The following TMEM117 variants were observed in gnomAD, a reference collection of about 807,000 sequenced individuals.
The protein encoded by TMEM117 is transmembrane protein 117.
In TMEM117, 27 loss-of-function variants were observed where a neutral mutation model predicts 52.4. That is an observed-to-expected ratio of 0.51 (90% confidence interval 0.38 to 0.71). The LOEUF is 0.71. TMEM117 is among the 30% of genes least tolerant of loss of function. The probability of loss-of-function intolerance (pLI) is 0.00; values close to 1 mark genes in which losing one functional copy is unlikely to be tolerated. For synonymous variants in TMEM117, 215 were observed against 206.3 expected (o/e 1.04, Z -0.36); for missense variants, 556 against 630.5 (o/e 0.88, Z 1.26).
intron 6 of TMEM117, among the ~76,000 whole-genome samples, chr12:44,358,625 T>G (rs1451109368): frequency 2.6e-5 from 4 of 152,140 alleles, no homozygotes; most frequent in Non-Finnish European, 2.9e-5. Flanking sequence ...ATGTATTCAG[T>G]TGGAACCAAG....
At chr12:44,165,479 G>A (rs1230383351) in intron 4 of TMEM117, among the ~76,000 whole-genome samples, 1 of 152,068 alleles carries the variant, frequency 6.6e-6, no homozygotes, top group Non-Finnish European at 1.5e-5. Context: ...GCAGCCTAAA[G>A]AAATTTATTT....
At chr12:44,216,011 T>C (rs1438908476) in intron 5 of TMEM117, among the ~76,000 whole-genome samples, 7 of 144,812 alleles carry the variant, frequency 4.8e-5, no homozygotes, top group Non-Finnish European at 9.0e-5. Flanking sequence ...CTTTCTTTTT[T>C]TTTTTTTTTT....
chr12:44,015,727 A>G (rs943505857), intron 3 of TMEM117, among the ~76,000 whole-genome samples: 5 of 152,162 alleles, frequency 3.3e-5, no homozygotes, highest in South Asian at 4.2e-4. Flanking sequence ...TAGTATAACA[A>G]TTTCCCAAGT....
intron 4 of TMEM117, among the ~76,000 whole-genome samples, chr12:44,206,235 G>A (rs1565590682): frequency 6.6e-6 from 1 of 152,210 alleles, no homozygotes; most frequent in Non-Finnish European, 1.5e-5. Flanking sequence ...GCAGGAACAT[G>A]TCCTTAAGAC....
chr12:44,349,255 G>A (rs969629698), intron 6 of TMEM117, among the ~76,000 whole-genome samples: 2 of 151,942 alleles, frequency 1.3e-5, no homozygotes, highest in African/African-American at 4.8e-5. Flanking sequence ...AAAGGTAACA[G>A]CTAATAGACC....
At chr12:43,888,738 C>T (rs537396326) in intron 2 of TMEM117, among the ~76,000 whole-genome samples, 4 of 151,734 alleles carry the variant, frequency 2.6e-5, no homozygotes, top group African/African-American at 9.7e-5. Context: ...TTAGTAGAGA[C>T]GGGGTTTCAC....
chr12:44,135,279 T>C (rs773876494), intron 3 of TMEM117, among the ~76,000 whole-genome samples: 3 of 152,210 alleles, frequency 2.0e-5, no homozygotes, highest in Non-Finnish European at 2.9e-5. Flanking sequence ...AAACAGGCAC[T>C]GAGTGATAAT....
At chr12:44,054,688 T>C (rs1947024647) in intron 3 of TMEM117, among the ~76,000 whole-genome samples, 1 of 147,778 alleles carries the variant, frequency 6.8e-6, no homozygotes, top group African/African-American at 2.6e-5. Flanking sequence ...TCCTTATGGA[T>C]ACCAATAGGA....
intron 2 of TMEM117, among the ~76,000 whole-genome samples, chr12:43,873,815 T>G (rs558414449): frequency 4.1e-4 from 62 of 152,222 alleles, no homozygotes; most frequent in Admixed American, 8.5e-4. Flanking sequence ...TAAGTTCTCT[T>G]AAAGCTTTGC....
At chr12:44,220,945 T>C (rs1949780381) in intron 5 of TMEM117, among the ~76,000 whole-genome samples, 1 of 152,214 alleles carries the variant, frequency 6.6e-6, no homozygotes, top group Non-Finnish European at 1.5e-5. Context: ...AAATCTCCTG[T>C]ACAGAAGAAT....
chr12:44,133,057 G>T (rs949183202), intron 3 of TMEM117, among the ~76,000 whole-genome samples: 3 of 152,218 alleles, frequency 2.0e-5, no homozygotes, highest in Non-Finnish European at 4.4e-5. Context: ...CAGGGCATCA[G>T]TGTCCCTGTT....
rs115051976 is a variant in TMEM117 at position 43,953,490 on chromosome 12, G to A, written c.410+9148G>A. On this transcript the variant is annotated intron_variant, in intron 3 of 7. Coordinates refer to ENST00000266534, the MANE Select transcript of TMEM117 (RefSeq NM_032256.3). The stretch of plus-strand genomic sequence containing the variant: ...GCAAATGGAAAGCAGAAAATAGCAG[G>A]AGTTGCAATCCTAGCTTCTGACAAA... Among the ~76,000 whole-genome samples the A allele has an allele frequency of 6.4e-3, 979 of 152,144 alleles. 17 individuals are homozygous for A. The highest frequency in any genetic ancestry group is 0.022 in the African/African-American group (919 of 41,502).
At chr12:43,808,420 T>A in the TMEM117 span, among the ~76,000 whole-genome samples, 2 of 152,152 alleles carry the variant, frequency 1.3e-5, no homozygotes, top group Admixed American at 6.5e-5. Context: ...GTTTACCCAA[T>A]ATACACTGCC....
At chr12:44,314,002 G>C (rs1368081800) in intron 6 of TMEM117, among the ~76,000 whole-genome samples, 1 of 151,836 alleles carries the variant, frequency 6.6e-6, no homozygotes, top group Non-Finnish European at 1.5e-5. Flanking sequence ...GGAGCCTTTG[G>C]CAGAGGCTTT....
chr12:44,106,524 G>A (rs1202944747), intron 3 of TMEM117, among the ~76,000 whole-genome samples: 2 of 152,006 alleles, frequency 1.3e-5, no homozygotes, highest in East Asian at 3.9e-4. Context: ...AGAGTATTAA[G>A]TTTCAGTTAA....
At position 44,224,920 on chromosome 12, in the gene TMEM117, TG is replaced by T. The variant is rs1327723053; in HGVS notation, c.608+13537del. Among the ~76,000 whole-genome samples the T allele has an allele frequency of 5.9e-5, 9 of 152,228 alleles. No homozygotes were observed. In the East Asian group the frequency reaches 1.7e-3, roughly 29 times the overall value. Reference sequence around the variant, plus strand: ...TCCCCAAAGCCGCGTCTGGAAAGCCTGGGGTAGAGAGACCACAGTAACTCCA... The same window carrying T: ...TCCCCAAAGCCGCGTCTGGAAAGCCTGGGTAGAGAGACCACAGTAACTCCA... On this transcript the variant is annotated intron_variant, in intron 5 of 7. Coordinates refer to ENST00000266534, the MANE Select transcript of TMEM117 (RefSeq NM_032256.3).
chr12:43,850,734 T>C (rs1592305734), intron 2 of TMEM117, among the ~76,000 whole-genome samples: 1 of 149,982 alleles, frequency 6.7e-6, no homozygotes, highest in African/African-American at 2.5e-5. Context: ...AATGCAAACA[T>C]TAATGTTCTT....
At chr12:43,992,323 A>C (rs1945956310) in intron 3 of TMEM117, among the ~76,000 whole-genome samples, 1 of 151,908 alleles carries the variant, frequency 6.6e-6, no homozygotes, top group South Asian at 2.1e-4. Flanking sequence ...CCCAGGTTAG[A>C]ATGCAGTGGT....
chr12:44,129,972 A>G (rs530087023), intron 3 of TMEM117, among the ~76,000 whole-genome samples: 1 of 152,268 alleles, frequency 6.6e-6, no homozygotes, highest in Admixed American at 6.5e-5. Context: ...CACTAATTGC[A>G]CAGCCTCGAT....
Sources: allele counts gnomAD v4.1 joint callset (sites outside exome capture counted in the v4.1 genomes callset), GRCh38; gene constraint gnomAD v4.1.1; transcripts MANE v1.5; gene names NCBI Gene and HGNC (gene_info 2026-07-23, HGNC 2026-07-21).